TVP23B: variants seen among roughly 807,000 people sequenced by gnomAD.
TVP23B encodes the protein trans-golgi network vesicle protein 23 homolog B, also known as Golgi apparatus membrane protein TVP23 homolog B.
TVP23B carries 10 observed loss-of-function variants against 30.6 expected under a neutral mutation model. The ratio of observed to expected loss-of-function variants is 0.33; its 90% confidence interval spans 0.20 to 0.55. The LOEUF (loss-of-function observed/expected upper bound fraction) is 0.55. Among genes scored for constraint, TVP23B ranks in the 20% least tolerant of loss-of-function variants. The pLI is 0.91. For missense variants in TVP23B, 153 were observed against 243.2 expected, an observed-to-expected ratio of 0.63 and a Z score of 2.47; for synonymous variants, 67 against 83.1, an observed-to-expected ratio of 0.81 and a Z score of 1.06.
chr17:18,789,075 G>T (rs1403490704), intron 1 of TVP23B: 11 of 416,048 alleles, frequency 2.6e-5, no homozygotes, highest in Non-Finnish European at 3.6e-5. Flanking sequence ...GTGTTAAGTT[G>T]TAGTAGCCTC....
At position 18,781,456 on chromosome 17, in the gene TVP23B, G is replaced by T. The variant is rs1411002826; in HGVS notation, c.12+151G>T. 6 of 1,394,694 alleles carry T rather than the reference G, an allele frequency of 4.3e-6. No homozygotes were observed. The African/African-American group carries it at 7.2e-5, about 17-fold the overall frequency. The allele number at this position is 1,394,694 out of a possible 1,614,324, so 86.4% of individuals were successfully genotyped here. A position where few individuals can be genotyped will look rare whatever the true frequency, so the allele number is the denominator to read the frequency against. ...AGTGGAGGGCTGTGGGTAGTTGTCT[G>T]AGGAGGGCTGCTGGGGGTTCTGAGG... is the stretch of plus-strand genomic sequence containing the variant. On this transcript the variant is annotated intron_variant, in intron 1 of 6. Transcript: ENST00000307767.
At chr17:18,795,929 A>T (rs2036070308) in intron 3 of TVP23B, 1 of 151,364 alleles carries the variant, frequency 6.6e-6, no homozygotes, top group Admixed American at 6.6e-5. Context: ...AAAATATAGC[A>T]TATATAAGGT....
chr17:18,785,325 T>A (rs1335951536), intron 1 of TVP23B, among the ~76,000 whole-genome samples: 1 of 152,158 alleles, frequency 6.6e-6, no homozygotes, highest in African/African-American at 2.4e-5. Context: ...CCGAAATCTT[T>A]TGTGTCCGTG....
At chr17:18,783,926 C>G (rs575932563) in intron 1 of TVP23B, among the ~76,000 whole-genome samples, 10 of 152,276 alleles carry the variant, frequency 6.6e-5, no homozygotes, top group African/African-American at 2.4e-4. Flanking sequence ...GCGGGTGGAT[C>G]ACGAGGTCAG....
intron 3 of TVP23B, chr17:18,797,314 A>G (rs555127542): frequency 2.6e-6 from 1 of 380,830 alleles, no homozygotes; most frequent in African/African-American, 2.1e-5. Context: ...AGAAAGGGCA[A>G]ATTGTTCATG....
chr17:18,785,554 C>T (rs1412077939), intron 1 of TVP23B, among the ~76,000 whole-genome samples: 2 of 151,826 alleles, frequency 1.3e-5, no homozygotes, highest in African/African-American at 4.8e-5. Context: ...CTGACGGGGC[C>T]CAAGTTTGGC....
intron 1 of TVP23B, among the ~76,000 whole-genome samples, chr17:18,783,032 G>A (rs1274991994): frequency 6.9e-6 from 1 of 144,798 alleles, no homozygotes; most frequent in African/African-American, 2.6e-5. Context: ...CTGCGCCCAG[G>A]CCGGATGAGG....
chr17:18,790,707 A>G (rs568822287), intron 2 of TVP23B, among the ~76,000 whole-genome samples, 189 bp from the exon 3 acceptor site: 8 of 152,332 alleles, frequency 5.3e-5, no homozygotes, highest in Non-Finnish European at 8.8e-5. Context: ...CTGTAACTAC[A>G]GGGCCTAGTC....
intron 1 of TVP23B, among the ~76,000 whole-genome samples, chr17:18,784,773 C>T (rs527557576): frequency 7.2e-5 from 11 of 152,372 alleles, no homozygotes; most frequent in African/African-American, 2.4e-4. Flanking sequence ...ACACTACCCC[C>T]TCCTGGCTCA....
At chr17:18,794,386 G>A (rs1407992957) in intron 3 of TVP23B, among the ~76,000 whole-genome samples, 1 of 152,196 alleles carries the variant, frequency 6.6e-6, no homozygotes, top group African/African-American at 2.4e-5. Context: ...AGTAGTTGTC[G>A]AAATTGGAAT....
intron 5 of TVP23B, among the ~76,000 whole-genome samples, chr17:18,801,384 GAC>G (rs1341260074): frequency 1.3e-5 from 2 of 151,790 alleles, no homozygotes; most frequent in African/African-American, 4.8e-5. Flanking sequence ...TCCTTACAGT[GAC>G]AGTCCTGTCC....
chr17:18,805,189 C>T (rs542277779), intron 6 of TVP23B, among the ~76,000 whole-genome samples: 16 of 150,326 alleles, frequency 1.1e-4, no homozygotes, highest in African/African-American at 2.7e-4. Flanking sequence ...CCCGGGTTCA[C>T]GCCATTCTTC....
In TVP23B at chr17:18,798,822, A is replaced by G. The variant is rs546492406; in HGVS notation, c.341A>G (p.Gln114Arg). 2.5e-6 allele frequency: 4 copies of G among 1,612,968 alleles called. No homozygotes were observed. In the African/African-American group the frequency reaches 5.3e-5, roughly 22 times the overall value. ...TATGTTCTTTTATAGGAGTCCTCTC[A>G]AGAGAATAAAACTGTGTCAGAGGCT... The part of the protein sequence containing the change: ...WVFESRKESS[Q>R]ENKTVSEAES... Residue 114 changes from glutamine to arginine, a missense_variant, in exon 5 of 7, where the codon CAA becomes CGA. Coordinates refer to ENST00000307767, the MANE Select transcript of TVP23B (RefSeq NM_016078.6).
chr17:18,805,586 CT>C lies in TVP23B; in HGVS notation c.*22del, dbSNP rs2036239031. On this transcript the variant is annotated 3_prime_UTR_variant, in exon 7 of 7. Coordinates refer to ENST00000307767, the MANE Select transcript of TVP23B (RefSeq NM_016078.6). ...TTCCTGAATAGAGAAAGCTTATGTG[CT>C]TTGTTACATTGGGGAACAACTGAAG... The C allele has an allele frequency of 6.2e-7, 1 of 1,604,060 alleles. No individual in the cohort carries two copies. The highest frequency in any genetic ancestry group is 1.7e-5 in the Admixed American group (1 of 57,578).
At chr17:18,782,463 C>T (rs1221846563) in intron 1 of TVP23B, 3 of 150,148 alleles carry the variant, frequency 2.0e-5, no homozygotes, top group Non-Finnish European at 3.0e-5. Flanking sequence ...CCGCGGGCCA[C>T]TGCACTCCAT....
At chr17:18,802,983 A>G (rs1688854912) in intron 5 of TVP23B, among the ~76,000 whole-genome samples, 1 of 152,222 alleles carries the variant, frequency 6.6e-6, no homozygotes, top group African/African-American at 2.4e-5. Flanking sequence ...ACATAAGTTT[A>G]GAACAGAAAG....
intron 2 of TVP23B, among the ~76,000 whole-genome samples, chr17:18,789,855 TCTTTTA>T (rs1386033064): frequency 6.6e-6 from 1 of 152,232 alleles, no homozygotes; most frequent in Non-Finnish European, 1.5e-5. Flanking sequence ...TAAAATGCTG[TCTTTTA>T]CTTTTCTTTC....
Position 18,804,241 on chromosome 17 carries a change from A to G in TVP23B, c.566A>G (p.Tyr189Cys). The change falls in exon 6 of 7, where the codon TAT becomes TGT. Residue 189 changes from tyrosine (Y) to cysteine (C), a missense_variant. By Grantham distance (194) the Tyr-to-Cys change is radical. This residue lies in a region of TVP23B where 62 missense variants were observed against 74.3 expected (regional missense o/e 0.83). Coordinates refer to ENST00000307767, the MANE Select transcript of TVP23B (RefSeq NM_016078.6). ...CATTTAACCAGCATGGCTACTTCAT[A>G]TTTTGGAAAGCAGTTTTTAAGACAA... Reference protein sequence around the residue: ...RKHLTSMATSYFGKQFLRQNT... With the variant: ...RKHLTSMATSCFGKQFLRQNT... 6.2e-7 allele frequency: 1 copy of G among 1,605,964 alleles called. No homozygotes were observed.
At chr17:18,788,192 A>G (rs1292505182) in intron 1 of TVP23B, among the ~76,000 whole-genome samples, 2 of 151,936 alleles carry the variant, frequency 1.3e-5, no homozygotes, top group Non-Finnish European at 2.9e-5. Flanking sequence ...TTAGCCAGGC[A>G]TGGTGGCACG....
Sources: allele counts gnomAD v4.1 joint callset (sites outside exome capture counted in the v4.1 genomes callset), GRCh38; gene constraint gnomAD v4.1.1; regional missense constraint gnomAD v4.1.1; transcripts MANE v1.5; gene names NCBI Gene and HGNC (gene_info 2026-07-23, HGNC 2026-07-21).